The following JAKMIP2 variants were observed in gnomAD, a reference collection of about 807,000 sequenced individuals.
JAKMIP2 encodes the protein janus kinase and microtubule interacting protein 2, also known as janus kinase and microtubule-interacting protein 2.
A neutral mutation model predicts 115.0 loss-of-function variants in JAKMIP2; 25 were observed. The ratio of observed to expected loss-of-function variants is 0.22; its 90% CI spans 0.16 to 0.30. The LOEUF (loss-of-function observed/expected upper bound fraction) is 0.30, where lower values mean the gene tolerates loss of function less well. Among genes scored for constraint, JAKMIP2 ranks in the 10% least tolerant of loss-of-function variants. The pLI is 1.00. For missense variants in JAKMIP2, 642 were observed against 957.6 expected, an observed-to-expected ratio of 0.67 and a Z score of 4.35; for synonymous variants, 334 against 343.6, an observed-to-expected ratio of 0.97 and a Z score of 0.31.
intron 1 of JAKMIP2, among the ~76,000 whole-genome samples, chr5:147,747,080 T>C (rs1442932218): frequency 6.6e-6 from 1 of 152,172 alleles, no homozygotes; most frequent in Non-Finnish European, 1.5e-5. Flanking sequence ...CTCTCCCACA[T>C]ACCATAGTGC....
At chr5:147,640,421 C>T (rs1015845862) in intron 9 of JAKMIP2, among the ~76,000 whole-genome samples, 1 of 152,132 alleles carries the variant, frequency 6.6e-6, no homozygotes, top group Non-Finnish European at 1.5e-5. Context: ...CTCTTGGGTT[C>T]CTACCTTCCC....
chr5:147,595,242 T>C (rs1228886603), intron 21 of JAKMIP2, among the ~76,000 whole-genome samples: 1 of 152,232 alleles, frequency 6.6e-6, no homozygotes. Flanking sequence ...TTGAATGTTT[T>C]TGTCCCCTCC....
chr5:147,692,099 C>T (rs1333937095), intron 1 of JAKMIP2, among the ~76,000 whole-genome samples: 2 of 151,948 alleles, frequency 1.3e-5, no homozygotes, highest in Non-Finnish European at 2.9e-5. Context: ...TGTCACCTTA[C>T]TTGGAAATAG....
At chr5:147,687,074 A>G (rs553741388) in intron 1 of JAKMIP2, among the ~76,000 whole-genome samples, 38 of 152,250 alleles carry the variant, frequency 2.5e-4, no homozygotes, top group African/African-American at 9.1e-4. Context: ...ATAATATTCT[A>G]GATCATCATA....
At chr5:147,617,777 GTTAT>G (rs1222754524) in intron 19 of JAKMIP2, 130 bp downstream of exon 19, 4 of 656,290 alleles carry the variant, frequency 6.1e-6, no homozygotes, top group Admixed American at 2.8e-5. Context: ...GAAAACAATG[GTTAT>G]TTATTTTACT....
intron 14 of JAKMIP2, 34 bp downstream of exon 14, chr5:147,631,379 T>A (rs768154348): frequency 3.6e-5 from 51 of 1,406,520 alleles, no homozygotes; most frequent in Non-Finnish European, 4.5e-5. Flanking sequence ...TTTTTCTAAT[T>A]TCTACAAACA....
At chr5:147,682,587 A>T (rs923727091) in intron 1 of JAKMIP2, among the ~76,000 whole-genome samples, 11 of 152,218 alleles carry the variant, frequency 7.2e-5, no homozygotes, top group African/African-American at 2.2e-4. Context: ...CTTTGTGCTC[A>T]TTGTACCTGT....
intron 16 of JAKMIP2, 103 bp from the exon 17 acceptor site, chr5:147,623,792 A>G (rs995159202): frequency 1.5e-6 from 1 of 661,538 alleles, no homozygotes; most frequent in Non-Finnish European, 2.7e-6. Flanking sequence ...ATATCTCAGG[A>G]AGAAGACTGA....
chr5:147,599,309 G>C (rs188744419), intron 21 of JAKMIP2, among the ~76,000 whole-genome samples: 10 of 152,238 alleles, frequency 6.6e-5, no homozygotes, highest in African/African-American at 1.2e-4. Context: ...TTGTGGAATA[G>C]GAAACCTAAT....
intron 8 of JAKMIP2, among the ~76,000 whole-genome samples, chr5:147,641,067 A>G (rs7725758): frequency 0.22 from 33,432 of 151,994 alleles, 4,638 homozygotes; most frequent in East Asian, 0.58. Flanking sequence ...AAACACTGAA[A>G]CCTCTTTCAT....
intron 3 of JAKMIP2, 105 bp from the exon 4 acceptor site, chr5:147,650,652 A>G: frequency 1.2e-6 from 1 of 832,236 alleles, no homozygotes; most frequent in Non-Finnish European, 1.9e-6. Flanking sequence ...ATACAGAAAA[A>G]AAATCACGGA....
intron 1 of JAKMIP2, among the ~76,000 whole-genome samples, chr5:147,754,373 A>G (rs1231315272): frequency 1.3e-5 from 2 of 152,180 alleles, no homozygotes; most frequent in African/African-American, 2.4e-5. Context: ...CAGGAGCACT[A>G]TCTTTCCAGT....
intron 14 of JAKMIP2, 93 bp downstream of exon 14, chr5:147,631,320 A>G: frequency 1.5e-6 from 1 of 671,198 alleles, no homozygotes; most frequent in South Asian, 2.1e-5. Flanking sequence ...ACATCCAGTG[A>G]CTGAAAGACA....
intron 20 of JAKMIP2, among the ~76,000 whole-genome samples, chr5:147,610,453 C>A (rs952880565): frequency 1.3e-5 from 2 of 152,178 alleles, no homozygotes; most frequent in Non-Finnish European, 2.9e-5. Context: ...TGCTGCAAGT[C>A]TGCTGGAGTT....
intron 1 of JAKMIP2, among the ~76,000 whole-genome samples, chr5:147,746,461 A>T: frequency 6.6e-6 from 1 of 152,044 alleles, no homozygotes. Flanking sequence ...TAGAGTTTAT[A>T]TATAAACAAA....
rs77419300 is a variant in JAKMIP2 at position 147,761,542 on chromosome 5, T to G, written c.-149+20914A>C. On this transcript the variant is annotated intron_variant, in intron 1 of 21. Transcript: ENST00000616793. Reference sequence around the variant, plus strand: ...CTGTGTTTTGGATTTATTATCTAACTTTATCTTACAACAAACTTACAAGAA... The same window carrying G: ...CTGTGTTTTGGATTTATTATCTAACGTTATCTTACAACAAACTTACAAGAA... Among the ~76,000 whole-genome samples, 94 of 152,196 alleles carry G rather than the reference T, an allele frequency of 6.2e-4. 1 individual carries two copies. In the East Asian group the frequency reaches 0.016, roughly 27 times the overall value.
chr5:147,758,686 G>A (rs1479790254), intron 1 of JAKMIP2, among the ~76,000 whole-genome samples: 1 of 152,062 alleles, frequency 6.6e-6, no homozygotes, highest in Non-Finnish European at 1.5e-5. Context: ...GGGCTCCAGG[G>A]AACTTCCTGC....
chr5:147,618,527 A>G (rs1184518319), intron 18 of JAKMIP2, among the ~76,000 whole-genome samples: 1 of 152,140 alleles, frequency 6.6e-6, no homozygotes. Context: ...ATCTGAGGTC[A>G]GGAGTTCGAG....
intron 1 of JAKMIP2, among the ~76,000 whole-genome samples, chr5:147,756,463 A>T (rs1754748424): frequency 6.6e-6 from 1 of 152,222 alleles, no homozygotes; most frequent in Non-Finnish European, 1.5e-5. Context: ...GTTATAAGAC[A>T]TTAAAACAGG....
Sources: allele counts gnomAD v4.1 joint callset (sites outside exome capture counted in the v4.1 genomes callset), GRCh38; gene constraint gnomAD v4.1.1; transcripts MANE v1.5; gene names NCBI Gene and HGNC (gene_info 2026-07-23, HGNC 2026-07-21).